Variants in MCM4 observed in about 807,000 individuals in gnomAD.
MCM4 encodes the protein DNA replication licensing factor MCM4.
Under a neutral mutation model 88.7 loss-of-function variants are expected in MCM4, and 60 were observed. That is an observed-to-expected ratio of 0.68 (90% CI 0.55 to 0.84). The LOEUF (loss-of-function observed/expected upper bound fraction) is 0.84, where lower values mean the gene tolerates loss of function less well. Among genes scored for constraint, MCM4 ranks in the 40% least tolerant of loss-of-function variants. MCM4 has a pLI of 0.00. For missense variants in MCM4, 1,149 were observed against 1,105.5 expected, an observed-to-expected ratio of 1.04 and a Z score of -0.56; for synonymous variants, 465 against 410.5, an observed-to-expected ratio of 1.13 and a Z score of -1.61.
At chr8:47,961,724 C>T (rs761666180) in intron 3 of MCM4, 44 bp downstream of exon 3, 1 of 1,562,622 alleles carries the variant, frequency 6.4e-7, no homozygotes, top group African/African-American at 1.4e-5. Context: ...TGATACACAG[C>T]TGATGCTTTA....
intron 7 of MCM4, 88 bp from the exon 8 acceptor site, chr8:47,964,486 C>G: frequency 2.0e-6 from 2 of 1,022,262 alleles, no homozygotes; most frequent in South Asian, 1.8e-5. Context: ...GACATGTTGT[C>G]TTTTTATACT....
chr8:47,975,935 A>T, intron 16 of MCM4, 87 bp downstream of exon 16: 8 of 835,742 alleles, frequency 9.6e-6, no homozygotes, highest in Non-Finnish European at 1.3e-5. Context: ...TATTTATTAA[A>T]TAATAAATAT....
At chr8:47,975,084 AT>A in intron 15 of MCM4, 122 bp downstream of exon 15, 1 of 739,888 alleles carries the variant, frequency 1.4e-6, no homozygotes, top group Non-Finnish European at 2.2e-6. Flanking sequence ...CCTTTTTTGG[AT>A]TAGGACCCCT....
Position 47,961,859 on chromosome 8 carries a change from T to A in MCM4, c.235+179T>A, listed in dbSNP as rs926157455. 2.2e-5 allele frequency: 21 copies of A among 953,940 alleles called. No individual in the cohort carries two copies. In the African/African-American group the frequency reaches 3.1e-4, roughly 14 times the overall value. 59.1% of individuals were successfully genotyped at this position (953,940 alleles called of 1,614,324 possible). Reference sequence around the variant, plus strand: ...GTGCAGAAAATAGTAGTTTTAGGGCTTAGTGAGCAGAGGAAGCAGCTTCTC... The same window carrying A: ...GTGCAGAAAATAGTAGTTTTAGGGCATAGTGAGCAGAGGAAGCAGCTTCTC... On this transcript the variant is annotated intron_variant, in intron 3 of 16. Coordinates refer to ENST00000649973, the MANE Select transcript of MCM4 (RefSeq NM_182746.3).
At position 47,960,959 on chromosome 8, in the gene MCM4, T is replaced by G; in HGVS notation, c.-70T>G. 1.7e-6 allele frequency: 1 copy of G among 576,034 alleles called. No homozygotes were observed. The highest frequency in any genetic ancestry group is 2.8e-6 in the Non-Finnish European group (1 of 355,110). 35.7% of individuals were successfully genotyped at this position (576,034 alleles called of 1,614,324 possible). On this transcript the variant is annotated 5_prime_UTR_variant, in exon 1 of 17. Transcript: ENST00000649973. The stretch of plus-strand genomic sequence containing the variant: ...GGGTCTCGCGGTTTGGGAGCGCTAC[T>G]CGCCAGGTGGACTCGGAGTCCGCGA...
chr8:47,962,369 CA>C lies in MCM4; in HGVS notation c.465del (p.Asp156MetfsTer2). On this transcript the variant is annotated frameshift_variant, in exon 5 of 17. Transcript: ENST00000649973. LOFTEE classifies it high-confidence loss of function. ...SLGQKLVIWG[T>X]DVNVAACKEN... ...GGCCAAAAACTTGTGATCTGGGGAA[CA>C]GATGTAAATGTGGCAGCATGCAAAG... is the stretch of plus-strand genomic sequence containing the variant. The C allele has an allele frequency of 6.2e-7, 1 of 1,614,192 alleles. No individual in the cohort carries two copies. Among genetic ancestry groups the C allele is most frequent in the Non-Finnish European group, 8.5e-7 (1 of 1,180,040 alleles).
Position 47,975,855 on chromosome 8 carries a change from G to C in MCM4, c.2499+7G>C. 1 of 1,500,408 alleles carries C rather than the reference G, an allele frequency of 6.7e-7. No homozygotes were observed. The highest frequency in any genetic ancestry group is 8.8e-7 in the Non-Finnish European group (1 of 1,130,190). 92.9% of individuals were successfully genotyped at this position (1,500,408 alleles called of 1,614,324 possible). A position where few individuals can be genotyped will look rare whatever the true frequency, so the allele number is the denominator to read the frequency against. On this transcript the variant is annotated splice_region_variant and intron_variant, in intron 16 of 16. Coordinates refer to ENST00000649973, the MANE Select transcript of MCM4 (RefSeq NM_182746.3). The stretch of plus-strand genomic sequence containing the variant: ...TCGGGGACAATCTGACATAGTAAGT[G>C]TTTATATGTATTTTTTGTTTGATAG...
At chr8:47,973,679 A>G (rs2090975977) in intron 14 of MCM4, 1 of 152,770 alleles carries the variant, frequency 6.5e-6, no homozygotes. Flanking sequence ...TTTTTAGTAG[A>G]GACGGGGTTT....
At position 47,969,974 on chromosome 8, in the gene MCM4, G is replaced by A. The variant is rs2154505304; in HGVS notation, c.1351G>A (p.Glu451Lys). The A allele has an allele frequency of 6.2e-7, 1 of 1,614,232 alleles. No individual in the cohort carries two copies. The highest frequency in any genetic ancestry group is 2.2e-5 in the East Asian group (1 of 44,886). Residue 451 changes from glutamate to lysine, a missense_variant, in exon 11 of 17, where the codon GAA (glutamate) becomes AAA (lysine). Physicochemically the swap from Glu to Lys is moderately conservative, Grantham distance 56. Coordinates refer to ENST00000649973, the MANE Select transcript of MCM4 (RefSeq NM_182746.3). Reference protein sequence around the residue: ...FSEKRVELLKELSRKPDIYER... With the variant: ...FSEKRVELLKKLSRKPDIYER... ...AGAGAAACGTGTGGAATTGCTTAAG[G>A]AACTTTCCAGGAAACCAGACATTTA...
At chr8:47,968,346 T>A (rs2090919689) in intron 10 of MCM4, among the ~76,000 whole-genome samples, 1 of 152,230 alleles carries the variant, frequency 6.6e-6, no homozygotes, top group African/African-American at 2.4e-5. Flanking sequence ...CAATCTTCCG[T>A]CGTAAAAGTA....
rs1302062625 is a variant in MCM4, at chr8:47,976,679, C to T, written c.2500-7C>T. 1.0e-5 allele frequency: 16 copies of T among 1,606,358 alleles called. No individual in the cohort carries two copies. The highest frequency in any genetic ancestry group is 1.4e-5 in the Non-Finnish European group (16 of 1,173,402). On this transcript the variant is annotated splice_polypyrimidine_tract_variant and splice_region_variant and intron_variant, in intron 16 of 16. Transcript: ENST00000649973. Reference sequence around the variant, plus strand: ...TACAATATTTATTTTCTTTCTCTTCCCCACAGGCAATTACTAAAGATATGT... The same window carrying T: ...TACAATATTTATTTTCTTTCTCTTCTCCACAGGCAATTACTAAAGATATGT...
intron 2 of MCM4, 104 bp from the exon 3 acceptor site, chr8:47,961,412 T>G (rs1231603262): frequency 5.6e-6 from 9 of 1,596,120 alleles, no homozygotes; most frequent in African/African-American, 1.3e-5. Context: ...TGCCTCTGTT[T>G]GGTTTGGTTC....
Position 47,970,627 on chromosome 8 carries a change from C to T in MCM4, c.1551C>T (p.Ser517=), listed in dbSNP as rs1296949143. The T allele has an allele frequency of 6.2e-7, 1 of 1,614,072 alleles. No homozygotes were observed. Among genetic ancestry groups the T allele is most frequent in the Non-Finnish European group, 8.5e-7 (1 of 1,179,992 alleles). Residue 517 remains serine (S), a synonymous_variant, in exon 12 of 17, where the codon TCC becomes TCT. Coordinates refer to ENST00000649973, the MANE Select transcript of MCM4 (RefSeq NM_182746.3). ...LLCGDPGTSK[S]QLLQYVYNLV... The stretch of plus-strand genomic sequence containing the variant: ...GTGGCGACCCTGGTACCAGCAAGTC[C>T]CAGCTGCTGCAGTACGTGTACAACC...
chr8:47,962,109 CGGGTAGAGGGAACCCCAA>C lies in MCM4; in HGVS notation c.294_311del (p.Val99_Arg104del). 1 of 1,614,154 alleles carries C rather than the reference CGGGTAGAGGGAACCCCAA, an allele frequency of 6.2e-7. No individual in the cohort carries two copies. Among genetic ancestry groups the C allele is most frequent in the South Asian group, 1.1e-5 (1 of 91,076 alleles). On this transcript the variant is annotated inframe_deletion, in exon 4 of 17. Transcript: ENST00000649973. ...ACTGACATACGGCACTCCCAGCTCT[CGGGTAGAGGGAACCCCAA>C]GAAGTGGTGTTAGGGGCACACCTGT...
At chr8:47,973,527 G>A (rs1367216058) in intron 14 of MCM4, among the ~76,000 whole-genome samples, 1 of 145,670 alleles carries the variant, frequency 6.9e-6, no homozygotes, top group African/African-American at 2.6e-5. Context: ...GAGTCTCGCT[G>A]TGTCCCCCAG....
In MCM4 at chr8:47,962,108, T is replaced by C. The variant is rs1463595440; in HGVS notation, c.291T>C (p.Ser97=). 1 of 1,614,206 alleles carries C rather than the reference T, an allele frequency of 6.2e-7. No homozygotes were observed. The highest frequency in any genetic ancestry group is 2.2e-5 in the East Asian group (1 of 44,894). The change falls in exon 4 of 17, where the codon TCT becomes TCC. Residue 97 remains serine (S), a synonymous_variant. Coordinates refer to ENST00000649973, the MANE Select transcript of MCM4 (RefSeq NM_182746.3). Reference sequence around the variant, plus strand: ...CACTGACATACGGCACTCCCAGCTCTCGGGTAGAGGGAACCCCAAGAAGTG... The same window carrying C: ...CACTGACATACGGCACTCCCAGCTCCCGGGTAGAGGGAACCCCAAGAAGTG... ...SSPLTYGTPS[S]RVEGTPRSGV...
At chr8:47,965,423 T>A (rs1207022887) in intron 8 of MCM4, among the ~76,000 whole-genome samples, 1 of 152,048 alleles carries the variant, frequency 6.6e-6, no homozygotes, top group Non-Finnish European at 1.5e-5. Context: ...TGAGCAGTGA[T>A]TGCACCACTG....
At position 47,961,675 on chromosome 8, in the gene MCM4, C is replaced by G. The variant is rs756385853; in HGVS notation, c.230C>G (p.Ser77Cys). 2 of 1,604,756 alleles carry G rather than the reference C, an allele frequency of 1.2e-6. No homozygotes were observed. The highest frequency in any genetic ancestry group is 2.2e-5 in the South Asian group (2 of 90,430). The change falls in exon 3 of 17, where the codon TCT becomes TGT. Residue 77 changes from serine to cysteine, a missense_variant. Ser to Cys is a moderately radical substitution (Grantham distance 112). Coordinates refer to ENST00000649973, the MANE Select transcript of MCM4 (RefSeq NM_182746.3). ...VLFSSPPQMH[S>C]SAIPLDFDVS... is the part of the protein sequence containing the mutation. ...TTTTCCAGCCCTCCCCAAATGCATTCTTCAGGTGCGTGTCTGAAGATCTTG... is the reference window on the plus strand; with the variant it reads ...TTTTCCAGCCCTCCCCAAATGCATTGTTCAGGTGCGTGTCTGAAGATCTTG...
At chr8:47,975,530 A>G (rs890411202) in intron 15 of MCM4, 185 bp from the exon 16 acceptor site, 76 of 445,850 alleles carry the variant, frequency 1.7e-4, no homozygotes, top group African/African-American at 1.5e-3. Flanking sequence ...GTAGACTGTT[A>G]AGGAAAGCAG....
Sources: gnomAD v4.1 joint callset for allele counts (sites outside exome capture counted in the v4.1 genomes callset) on GRCh38, gnomAD v4.1.1 for gene constraint, MANE v1.5 for transcripts, NCBI Gene and HGNC (gene_info 2026-07-23, HGNC 2026-07-21) for gene names.